Variants in GP1BA observed in about 807,000 individuals in gnomAD.
The protein encoded by GP1BA is platelet glycoprotein Ib alpha chain.
GP1BA carries 3 observed loss-of-function variants against 5.6 expected under a neutral mutation model. That is an observed-to-expected ratio of 0.53 (90% CI 0.24 to 1.38). The LOEUF is 1.38. Ranked by LOEUF, GP1BA falls within the 40% of genes most tolerant of loss-of-function variation. The probability of loss-of-function intolerance (pLI) is 0.16; values close to 1 mark genes in which losing one functional copy is unlikely to be tolerated. For missense variants in GP1BA, 707 were observed against 801.4 expected (o/e 0.88, Z 1.42); for synonymous variants, 323 against 358.3 (o/e 0.90, Z 1.11).
In GP1BA at chr17:4,933,406, G is replaced by A. The variant is rs751749774; in HGVS notation, c.802G>A (p.Asp268Asn). The A allele has an allele frequency of 1.2e-6, 2 of 1,613,952 alleles. No homozygotes were observed. The highest frequency in any genetic ancestry group is 1.7e-6 in the Non-Finnish European group (2 of 1,179,866). Reference sequence around the variant, plus strand: ...GGCCAGTGTGCAGTGTGACAATTCAGACAAGTTTCCCGTCTACAAATACCC... The same window carrying A: ...GGCCAGTGTGCAGTGTGACAATTCAAACAAGTTTCCCGTCTACAAATACCC... ...NVASVQCDNS[D>N]KFPVYKYPGK... Residue 268 changes from aspartate to asparagine, a missense_variant, in exon 2 of 2, where the codon GAC becomes AAC. Physicochemically the swap from Asp to Asn is conservative, Grantham distance 23. Around this residue, in one of 3 missense-constraint regions of GP1BA, gnomAD observed 442 missense variants for 498.8 expected, o/e 0.89. Coordinates refer to ENST00000329125, the MANE Select transcript of GP1BA (RefSeq NM_000173.7).
Position 4,932,538 on chromosome 17 carries a change from G to A in GP1BA, c.-6-61G>A. The A allele has an allele frequency of 6.5e-7, 1 of 1,528,432 alleles. No individual in the cohort carries two copies. Among genetic ancestry groups the A allele is most frequent in the South Asian group, 1.3e-5 (1 of 79,932 alleles). The allele number at this position is 1,528,432 out of a possible 1,614,324, so 94.7% of individuals were successfully genotyped here. On this transcript the variant is annotated intron_variant, in intron 1 of 1. Transcript: ENST00000329125. The surrounding 1 kb of genome is among the most constrained non-coding windows in gnomAD (Gnocchi z 4.8). ...GAAGCTGCAGGGGGAAGGGGGCTGG[G>A]GCCTGGGGGGATGCTTCCAGGGGAT...
Position 4,932,768 on chromosome 17 carries a change from G to A in GP1BA, c.164G>A (p.Ser55Asn), listed in dbSNP as rs1970360409. 1.2e-6 allele frequency: 2 copies of A among 1,614,004 alleles called. No homozygotes were observed. Among genetic ancestry groups the A allele is most frequent in the Non-Finnish European group, 1.7e-6 (2 of 1,179,892 alleles). Reference sequence around the variant, plus strand: ...AAAGACACAACCATCCTCCACCTGAGTGAGAACCTCCTGTACACCTTCTCC... The same window carrying A: ...AAAGACACAACCATCCTCCACCTGAATGAGAACCTCCTGTACACCTTCTCC... ...LPKDTTILHLSENLLYTFSLA... is the reference protein window; with the variant it reads ...LPKDTTILHLNENLLYTFSLA... The change falls in exon 2 of 2, where the codon AGT becomes AAT. Residue 55 changes from serine to asparagine, a missense_variant. Ser to Asn is a conservative substitution (Grantham distance 46). Around this residue, in one of 3 missense-constraint regions of GP1BA, gnomAD observed 442 missense variants for 498.8 expected, o/e 0.89. Transcript: ENST00000329125. This position sits in a 1 kb window ranked among gnomAD's most constrained non-coding sequence, Gnocchi z 4.8.
rs762198969 is a variant in GP1BA at position 4,933,474 on chromosome 17, C to A, written c.870C>A (p.Asp290Glu). 1 of 1,613,890 alleles carries A rather than the reference C, an allele frequency of 6.2e-7. No homozygotes were observed. Among genetic ancestry groups the A allele is most frequent in the Non-Finnish European group, 8.5e-7 (1 of 1,179,848 alleles). Residue 290 changes from aspartate to glutamate, a missense_variant, in exon 2 of 2, where the codon GAC (aspartate) becomes GAA (glutamate). Physicochemically the swap from Asp to Glu is conservative, Grantham distance 45 (BLOSUM62 2). Transcript: ENST00000329125. Reference sequence around the variant, plus strand: ...CCCTTGGTGATGAAGGTGACACAGACCTATATGATTACTACCCAGAAGAGG... The same window carrying A: ...CCCTTGGTGATGAAGGTGACACAGAACTATATGATTACTACCCAGAAGAGG... ...CPTLGDEGDT[D>E]LYDYYPEEDT... is the part of the protein sequence containing the mutation.
Position 4,933,415 on chromosome 17 carries a change from C to G in GP1BA, c.811C>G (p.Pro271Ala). ...GCAGTGTGACAATTCAGACAAGTTT[C>G]CCGTCTACAAATACCCAGGAAAGGG... is the stretch of plus-strand genomic sequence containing the variant. ...SVQCDNSDKFPVYKYPGKGCP... is the reference protein window; with the variant it reads ...SVQCDNSDKFAVYKYPGKGCP... The change falls in exon 2 of 2, where the codon CCC becomes GCC. Residue 271 changes from proline to alanine, a missense_variant. Coordinates refer to ENST00000329125, the MANE Select transcript of GP1BA (RefSeq NM_000173.7). 1 of 1,613,970 alleles carries G rather than the reference C, an allele frequency of 6.2e-7. No homozygotes were observed. Among genetic ancestry groups the G allele is most frequent in the Non-Finnish European group, 8.5e-7 (1 of 1,179,870 alleles).
Position 4,932,720 on chromosome 17 carries a change from C to T in GP1BA, c.116C>T (p.Thr39Ile), listed in dbSNP as rs772389629. ...LEVNCDKRNL[T>I]ALPPDLPKDT... ...GTGAACTGTGACAAGAGGAATCTGA[C>T]AGCGCTGCCTCCAGACCTGCCGAAA... The change falls in exon 2 of 2, where the codon ACA becomes ATA. Residue 39 changes from threonine (T) to isoleucine (I), a missense_variant. This residue lies in a region of GP1BA where 442 missense variants were observed against 498.8 expected (regional missense o/e 0.89). Transcript: ENST00000329125. The surrounding 1 kb of genome is among the most constrained non-coding windows in gnomAD (Gnocchi z 4.8). 1 of 1,613,870 alleles carries T rather than the reference C, an allele frequency of 6.2e-7. No homozygotes were observed. The highest frequency in any genetic ancestry group is 1.3e-5 in the African/African-American group (1 of 74,920).
At position 4,932,552 on chromosome 17, in the gene GP1BA, C is replaced by CT; in HGVS notation, c.-6-45dup. The CT allele has an allele frequency of 2.6e-6, 4 of 1,566,182 alleles. No homozygotes were observed. The highest frequency in any genetic ancestry group is 3.5e-6 in the Non-Finnish European group (4 of 1,150,338). On this transcript the variant is annotated intron_variant, in intron 1 of 1. Transcript: ENST00000329125. The surrounding 1 kb of genome is among the most constrained non-coding windows in gnomAD (Gnocchi z 4.8). The stretch of plus-strand genomic sequence containing the variant: ...AAGGGGGCTGGGGCCTGGGGGGATG[C>CT]TTCCAGGGGATGCAGGGGGATCCAC...
chr17:4,934,597 C>A lies in GP1BA; in HGVS notation c.*34C>A. The stretch of plus-strand genomic sequence containing the variant: ...GGTTTGGGGACCTTGAGAGAAGAGC[C>A]TGTGGGCTCTCCTATTGGAATCTAG... On this transcript the variant is annotated 3_prime_UTR_variant, in exon 2 of 2. Transcript: ENST00000329125. The A allele has an allele frequency of 6.2e-7, 1 of 1,605,144 alleles. No individual in the cohort carries two copies. Among genetic ancestry groups the A allele is most frequent in the Non-Finnish European group, 8.5e-7 (1 of 1,174,992 alleles).
In GP1BA at chr17:4,933,397, G is replaced by A. The variant is rs765474118; in HGVS notation, c.793G>A (p.Asp265Asn). The stretch of plus-strand genomic sequence containing the variant: ...CTCTAACGTGGCCAGTGTGCAGTGT[G>A]ACAATTCAGACAAGTTTCCCGTCTA... ...MTSNVASVQCDNSDKFPVYKY... is the reference protein window; with the variant it reads ...MTSNVASVQCNNSDKFPVYKY... Residue 265 changes from aspartate to asparagine, a missense_variant, in exon 2 of 2, where the codon GAC (aspartate) becomes AAC (asparagine). Asp to Asn is a conservative substitution (Grantham distance 23). Around this residue, in one of 3 missense-constraint regions of GP1BA, gnomAD observed 442 missense variants for 498.8 expected, o/e 0.89. Transcript: ENST00000329125. 2.7e-5 allele frequency: 43 copies of A among 1,613,828 alleles called. No individual in the cohort carries two copies. The highest frequency in any genetic ancestry group is 3.5e-5 in the Non-Finnish European group (41 of 1,179,862).
chr17:4,934,939 GTTTTA>G lies in GP1BA; in HGVS notation c.*381_*385del, dbSNP rs1312042154. 2 of 262,988 alleles carry G rather than the reference GTTTTA, an allele frequency of 7.6e-6. No homozygotes were observed. The highest frequency in any genetic ancestry group is 1.6e-5 in the Non-Finnish European group (2 of 127,636). The allele number at this position is 262,988 out of a possible 1,614,324, so 16.3% of individuals were successfully genotyped here. ...TGTCTGGATGTTACAAATATGGGTGGTTTTATTTTCTTTTTCCCTGTTTAGCATTT... is the reference window on the plus strand; with the variant it reads ...TGTCTGGATGTTACAAATATGGGTGGTTTTCTTTTTCCCTGTTTAGCATTT... On this transcript the variant is annotated 3_prime_UTR_variant, in exon 2 of 2. Coordinates refer to ENST00000329125, the MANE Select transcript of GP1BA (RefSeq NM_000173.7).
Position 4,934,530 on chromosome 17 carries a change from A to G in GP1BA, c.1926A>G (p.Thr642=), listed in dbSNP as rs1201572009. ...GTCGTGGTCAGGACCTGCTGAGCAC[A>G]GTGAGCATTAGGTACTCTGGCCACA... ...SQGRGQDLLS[T]VSIRYSGHSL is the part of the protein sequence containing the mutation. The change falls in exon 2 of 2, where the codon ACA becomes ACG. Residue 642 remains threonine, a synonymous_variant. Coordinates refer to ENST00000329125, the MANE Select transcript of GP1BA (RefSeq NM_000173.7). The G allele has an allele frequency of 6.8e-6, 11 of 1,614,032 alleles. No homozygotes were observed. Among genetic ancestry groups the G allele is most frequent in the Non-Finnish European group, 9.3e-6 (11 of 1,179,898 alleles).
chr17:4,932,604 C>T lies in GP1BA; in HGVS notation c.-1C>T. On this transcript the variant is annotated 5_prime_UTR_variant, in exon 2 of 2. Transcript: ENST00000329125. The surrounding 1 kb of genome is among the most constrained non-coding windows in gnomAD (Gnocchi z 4.8). ...CAAGGCTCCCTTGCCCACAGGTCCTCATGCCTCTCCTCCTCTTGCTGCTCC... is the reference window on the plus strand; with the variant it reads ...CAAGGCTCCCTTGCCCACAGGTCCTTATGCCTCTCCTCCTCTTGCTGCTCC... 5 of 1,612,436 alleles carry T rather than the reference C, an allele frequency of 3.1e-6. No homozygotes were observed. Among genetic ancestry groups the T allele is most frequent in the Non-Finnish European group, 4.2e-6 (5 of 1,178,818 alleles).
chr17:4,932,474 G>A lies in GP1BA; in HGVS notation c.-7+109G>A. On this transcript the variant is annotated intron_variant, in intron 1 of 1. Transcript: ENST00000329125. This position sits in a 1 kb window ranked among gnomAD's most constrained non-coding sequence, Gnocchi z 4.8. ...CTGCAGGCAAGGGTGGGAGATGGGA[G>A]TAGGGAGGACAGGAGGTGTGGATGC... 3.9e-6 allele frequency: 5 copies of A among 1,286,796 alleles called. No individual in the cohort carries two copies. Among genetic ancestry groups the A allele is most frequent in the Non-Finnish European group, 4.2e-6 (4 of 959,746 alleles). 79.7% of individuals were successfully genotyped at this position (1,286,796 alleles called of 1,614,324 possible).
Position 4,934,609 on chromosome 17 carries a change from C to T in GP1BA, c.*46C>T. ...TTGAGAGAAGAGCCTGTGGGCTCTC[C>T]TATTGGAATCTAGTTGGGGGTTGGA... On this transcript the variant is annotated 3_prime_UTR_variant, in exon 2 of 2. Transcript: ENST00000329125. 1.3e-6 allele frequency: 2 copies of T among 1,590,044 alleles called. No homozygotes were observed. Among genetic ancestry groups the T allele is most frequent in the Non-Finnish European group, 1.7e-6 (2 of 1,165,400 alleles).
In GP1BA at chr17:4,934,376, C is replaced by T; in HGVS notation, c.1772C>T (p.Pro591Leu). 6.2e-7 allele frequency: 1 copy of T among 1,614,040 alleles called. No individual in the cohort carries two copies. The highest frequency in any genetic ancestry group is 8.5e-7 in the Non-Finnish European group (1 of 1,179,904). The change falls in exon 2 of 2, where the codon CCC becomes CTC. Residue 591 changes from proline (P) to leucine (L), a missense_variant. Around this residue, in one of 3 missense-constraint regions of GP1BA, gnomAD observed 247 missense variants for 246.6 expected, o/e 1.00. Transcript: ENST00000329125. ...ELQRGRQVTVPRAWLLFLRGS... is the reference protein window; with the variant it reads ...ELQRGRQVTVLRAWLLFLRGS... The stretch of plus-strand genomic sequence containing the variant: ...CAGAGGGGACGGCAAGTGACAGTGC[C>T]CCGGGCCTGGCTGCTCTTCCTTCGA...
In GP1BA at chr17:4,932,585, T is replaced by A. The variant is rs768098161; in HGVS notation, c.-6-14T>A. 1.2e-6 allele frequency: 2 copies of A among 1,606,028 alleles called. No individual in the cohort carries two copies. The highest frequency in any genetic ancestry group is 2.7e-5 in the African/African-American group (2 of 74,694). On this transcript the variant is annotated splice_polypyrimidine_tract_variant and intron_variant, in intron 1 of 1. Transcript: ENST00000329125. This position sits in a 1 kb window ranked among gnomAD's most constrained non-coding sequence, Gnocchi z 4.8. ...GGATGCAGGGGGATCCACTCAAGGC[T>A]CCCTTGCCCACAGGTCCTCATGCCT...
rs773645699 is a variant in GP1BA, at chr17:4,932,611, C to T, written c.7C>T (p.Leu3Phe). 6 of 1,613,074 alleles carry T rather than the reference C, an allele frequency of 3.7e-6. No individual in the cohort carries two copies. Among genetic ancestry groups the T allele is most frequent in the South Asian group, 1.1e-5 (1 of 91,030 alleles). The stretch of plus-strand genomic sequence containing the variant: ...CCCTTGCCCACAGGTCCTCATGCCT[C>T]TCCTCCTCTTGCTGCTCCTGCTGCC... MP[L>F]LLLLLLLPSP... The change falls in exon 2 of 2, where the codon CTC becomes TTC. Residue 3 changes from leucine to phenylalanine, a missense_variant. Coordinates refer to ENST00000329125, the MANE Select transcript of GP1BA (RefSeq NM_000173.7). The surrounding 1 kb of genome is among the most constrained non-coding windows in gnomAD (Gnocchi z 4.8).
In GP1BA at chr17:4,934,236, C is replaced by T; in HGVS notation, c.1632C>T (p.Ala544=). ...YVLGLFWLLF[A]SVVLILLLSW... is the part of the protein sequence containing the mutation. The stretch of plus-strand genomic sequence containing the variant: ...TGGGTCTCTTCTGGCTGCTCTTTGC[C>T]TCTGTGGTCCTCATCCTGCTGCTGA... The change falls in exon 2 of 2, where the codon GCC becomes GCT. Residue 544 remains alanine (A), a synonymous_variant. Transcript: ENST00000329125. 1 of 1,613,716 alleles carries T rather than the reference C, an allele frequency of 6.2e-7. No homozygotes were observed. The highest frequency in any genetic ancestry group is 8.5e-7 in the Non-Finnish European group (1 of 1,179,664).
rs1326554937 is a variant in GP1BA, at chr17:4,932,818, C to T, written c.214C>T (p.Arg72Cys). ...CCTGGCAACCCTGATGCCTTACACT[C>T]GCCTCACTCAGCTGAACCTAGATAG... is the stretch of plus-strand genomic sequence containing the variant. Reference protein sequence around the residue: ...FSLATLMPYTRLTQLNLDRCE... With the variant: ...FSLATLMPYTCLTQLNLDRCE... Residue 72 changes from arginine to cysteine, a missense_variant, in exon 2 of 2, where the codon CGC (arginine) becomes TGC (cysteine). By Grantham distance (180) the Arg-to-Cys change is radical. Transcript: ENST00000329125. The surrounding 1 kb of genome is among the most constrained non-coding windows in gnomAD (Gnocchi z 4.8). 9 of 1,613,926 alleles carry T rather than the reference C, an allele frequency of 5.6e-6. No individual in the cohort carries two copies. The highest frequency in any genetic ancestry group is 5.9e-6 in the Non-Finnish European group (7 of 1,179,894).
chr17:4,933,472 G>A lies in GP1BA; in HGVS notation c.868G>A (p.Asp290Asn). ...CACCCTTGGTGATGAAGGTGACACA[G>A]ACCTATATGATTACTACCCAGAAGA... Reference protein sequence around the residue: ...CPTLGDEGDTDLYDYYPEEDT... With the variant: ...CPTLGDEGDTNLYDYYPEEDT... The change falls in exon 2 of 2, where the codon GAC becomes AAC. Residue 290 changes from aspartate to asparagine, a missense_variant. Asp to Asn is a conservative substitution (Grantham distance 23). This residue lies in a region of GP1BA where 442 missense variants were observed against 498.8 expected (regional missense o/e 0.89). Transcript: ENST00000329125. The A allele has an allele frequency of 1.2e-6, 2 of 1,613,916 alleles. No individual in the cohort carries two copies. Among genetic ancestry groups the A allele is most frequent in the Non-Finnish European group, 1.7e-6 (2 of 1,179,874 alleles).
Sources: allele counts gnomAD v4.1 joint callset, GRCh38; gene constraint gnomAD v4.1.1; regional missense constraint gnomAD v4.1.1; non-coding constraint Gnocchi (gnomAD v3.1); transcripts MANE v1.5; gene names NCBI Gene and HGNC (gene_info 2026-07-23, HGNC 2026-07-21).